The following CDH13 variants were observed in gnomAD, a reference collection of about 807,000 sequenced individuals.
CDH13 encodes cadherin 13.
A neutral mutation model predicts 63.8 loss-of-function variants in CDH13; 24 were observed. The ratio of observed to expected loss-of-function variants is 0.38; its 90% confidence interval spans 0.27 to 0.53. The LOEUF (loss-of-function observed/expected upper bound fraction) is 0.53, where lower values mean the gene tolerates loss of function less well. CDH13 is among the 20% of genes least tolerant of loss of function. The pLI is 0.85. For missense variants in CDH13, 1,049 were observed against 903.1 expected (o/e 1.16, Z -2.07); for synonymous variants, 503 against 355.3 (o/e 1.42, Z -4.67).
chr16:83,236,832 A>C (rs555752841), intron 5 of CDH13, among the ~76,000 whole-genome samples: 1 of 152,150 alleles, frequency 6.6e-6, no homozygotes, highest in Non-Finnish European at 1.5e-5. Context: ...AGGAGGGCCT[A>C]CTTATAGGTC....
intron 5 of CDH13, among the ~76,000 whole-genome samples, chr16:83,308,792 CAT>C (rs1052961688): frequency 3.3e-5 from 5 of 152,182 alleles, no homozygotes; most frequent in Admixed American, 3.3e-4. Flanking sequence ...ACCCTGGAAA[CAT>C]ATGCCCAAGA....
chr16:83,228,285 G>T (rs2039901242), intron 5 of CDH13, among the ~76,000 whole-genome samples: 2 of 152,196 alleles, frequency 1.3e-5, no homozygotes, highest in East Asian at 3.9e-4. Flanking sequence ...CTGTGCACAG[G>T]ACAGTCCCCA....
At chr16:83,331,220 G>C (rs915511872) in intron 5 of CDH13, among the ~76,000 whole-genome samples, 4 of 152,178 alleles carry the variant, frequency 2.6e-5, no homozygotes, top group African/African-American at 9.7e-5. Flanking sequence ...TTATGTGTGA[G>C]ATTAAAAGTG....
intron 7 of CDH13, among the ~76,000 whole-genome samples, chr16:83,576,858 A>G (rs4782819): frequency 0.64 from 97,072 of 151,986 alleles, 31,154 homozygotes; most frequent in East Asian, 0.79. Context: ...ACTATGTTGT[A>G]GAGTTATAAA....
intron 1 of CDH13, among the ~76,000 whole-genome samples, chr16:82,632,074 C>G (rs970547860): frequency 8.0e-5 from 12 of 150,648 alleles, no homozygotes; most frequent in Non-Finnish European, 3.0e-5. Flanking sequence ...AAAGTCAGGT[C>G]AGGCAACCCT....
At position 82,838,514 on chromosome 16, in the gene CDH13, G is replaced by T. The variant is rs1265447997; in HGVS notation, c.46-19848G>T. 5.9e-5 allele frequency among the ~76,000 whole-genome samples: 9 copies of T among 152,128 alleles called. No individual in the cohort carries two copies. In the East Asian group the frequency reaches 1.5e-3, roughly 26 times the overall value. ...ATGTTGAAAAAAGTTTTTAGAAAATGCTGAACTTACAGGGAAATTCACCAA... is the reference window on the plus strand; with the variant it reads ...ATGTTGAAAAAAGTTTTTAGAAAATTCTGAACTTACAGGGAAATTCACCAA... On this transcript the variant is annotated intron_variant, in intron 1 of 13. Coordinates refer to ENST00000567109, the MANE Select transcript of CDH13 (RefSeq NM_001257.5).
At chr16:83,433,148 C>G (rs917333319) in intron 6 of CDH13, among the ~76,000 whole-genome samples, 1 of 152,192 alleles carries the variant, frequency 6.6e-6, no homozygotes, top group African/African-American at 2.4e-5. Flanking sequence ...CTAGACTAGA[C>G]AGACCAAGTC....
At chr16:83,135,468 G>T (rs1208361571) in intron 4 of CDH13, among the ~76,000 whole-genome samples, 1 of 152,190 alleles carries the variant, frequency 6.6e-6, no homozygotes, top group Admixed American at 6.5e-5. Flanking sequence ...AACTGAGCAT[G>T]ACCAAGGTGC....
chr16:83,783,553 T>G, intron 13 of CDH13, 81 bp downstream of exon 13: 1 of 1,007,188 alleles, frequency 9.9e-7, no homozygotes, highest in Non-Finnish European at 1.6e-6. Context: ...TTTTCCCATA[T>G]ACCTTTCCAA....
chr16:83,070,625 A>G (rs753498251), intron 3 of CDH13, among the ~76,000 whole-genome samples: 1 of 152,186 alleles, frequency 6.6e-6, no homozygotes, highest in Non-Finnish European at 1.5e-5. Context: ...AAGTTTTCTC[A>G]GGAAGGAAAG....
chr16:83,322,034 C>T (rs1024857414), intron 5 of CDH13, among the ~76,000 whole-genome samples: 1 of 152,156 alleles, frequency 6.6e-6, no homozygotes, highest in African/African-American at 2.4e-5. Context: ...ACAGCAGGGA[C>T]TTCAGCAGGG....
intron 10 of CDH13, among the ~76,000 whole-genome samples, chr16:83,728,681 C>T (rs763959791): frequency 6.6e-5 from 10 of 152,132 alleles, no homozygotes; most frequent in African/African-American, 1.2e-4. Context: ...TACGACATGC[C>T]GTTTTTATTG....
Position 83,121,962 on chromosome 16 carries a change from TCACACACACACA to T in CDH13, c.367-3401_367-3390del, listed in dbSNP as rs10665608. Among the ~76,000 whole-genome samples, 552 of 147,514 alleles carry T rather than the reference TCACACACACACA, an allele frequency of 3.7e-3. 4 individuals are homozygous for T. The highest frequency in any genetic ancestry group is 0.013 in the African/African-American group (525 of 40,008). On this transcript the variant is annotated intron_variant, in intron 3 of 13. Coordinates refer to ENST00000567109, the MANE Select transcript of CDH13 (RefSeq NM_001257.5). ...TTACATAAATTTTCCTTTAAAACTGTCACACACACACACACACACACACACACACACACTTTT... is the reference window on the plus strand; with the variant it reads ...TTACATAAATTTTCCTTTAAAACTGTCACACACACACACACACACACTTTT...
chr16:83,740,866 G>T (rs1747462115), intron 10 of CDH13, among the ~76,000 whole-genome samples: 1 of 152,200 alleles, frequency 6.6e-6, no homozygotes, highest in Non-Finnish European at 1.5e-5. Context: ...GCTGGTTGTG[G>T]CACCCCATCC....
rs1021290853 is a variant in CDH13, at chr16:82,899,621, G to A, written c.157+41148G>A. Among the ~76,000 whole-genome samples, 10 of 152,194 alleles carry A rather than the reference G, an allele frequency of 6.6e-5. 1 individual carries two copies. In the South Asian group the frequency reaches 8.3e-4, roughly 13 times the overall value. On this transcript the variant is annotated intron_variant, in intron 2 of 13. Transcript: ENST00000567109. ...TGCCTGTGTGTGTGTGTGTGTTTGCGTGTTTTGGAGTATGCATGGATTTGG... is the reference window on the plus strand; with the variant it reads ...TGCCTGTGTGTGTGTGTGTGTTTGCATGTTTTGGAGTATGCATGGATTTGG...
chr16:83,216,913 A>G (rs1036213684), intron 4 of CDH13, among the ~76,000 whole-genome samples: 1 of 152,082 alleles, frequency 6.6e-6, no homozygotes, highest in African/African-American at 2.4e-5. Context: ...GGCAGGTGAC[A>G]CTGGATTAGT....
intron 1 of CDH13, among the ~76,000 whole-genome samples, chr16:82,780,380 T>G (rs945346599): frequency 2.6e-5 from 4 of 152,178 alleles, no homozygotes; most frequent in African/African-American, 7.2e-5. Flanking sequence ...TAGAAATGAC[T>G]GCACGGGACC....
At chr16:83,511,983 T>TAATAG in intron 7 of CDH13, among the ~76,000 whole-genome samples, 1 of 152,218 alleles carries the variant, frequency 6.6e-6, no homozygotes, top group East Asian at 1.9e-4. Flanking sequence ...TGGTTAGTCC[T>TAATAG]CAGTAAGTGT....
At chr16:83,029,356 A>G (rs965980167) in intron 2 of CDH13, among the ~76,000 whole-genome samples, 2 of 152,208 alleles carry the variant, frequency 1.3e-5, no homozygotes, top group Non-Finnish European at 2.9e-5. Context: ...AAAGATGTAC[A>G]CAAGAAAGTT....
Sources: allele counts gnomAD v4.1 joint callset (sites outside exome capture counted in the v4.1 genomes callset), GRCh38; gene constraint gnomAD v4.1.1; transcripts MANE v1.5; gene names NCBI Gene and HGNC (gene_info 2026-07-23, HGNC 2026-07-21).